Variants in SBF2 observed in about 807,000 individuals in gnomAD.
SBF2 encodes the protein SET binding factor 2, also known as myotubularin-related protein 13.
Under a neutral mutation model 225.2 loss-of-function variants are expected in SBF2, and 112 were observed. The observed-to-expected ratio is 0.50, with a 90% CI of 0.43 to 0.58. The LOEUF is 0.58. SBF2 is among the 20% of genes least tolerant of loss of function. The pLI is 0.00. For missense variants in SBF2, 1,996 were observed against 2,206.2 expected, an observed-to-expected ratio of 0.90 and a Z score of 1.91; for synonymous variants, 763 against 773.3, an observed-to-expected ratio of 0.99 and a Z score of 0.22.
intron 30 of SBF2, among the ~76,000 whole-genome samples, chr11:9,810,037 G>A (rs1854090158): frequency 6.6e-6 from 1 of 152,180 alleles, no homozygotes; most frequent in Admixed American, 6.5e-5. Flanking sequence ...AGCACTTTGG[G>A]AGGTTGAAGC....
chr11:10,108,731 A>G (rs1952692442), intron 2 of SBF2, among the ~76,000 whole-genome samples: 1 of 151,366 alleles, frequency 6.6e-6, no homozygotes, highest in African/African-American at 2.4e-5. Context: ...TCACTGTGTT[A>G]GCCAGGATGG....
At chr11:9,876,944 G>A (rs1859305591) in intron 17 of SBF2, among the ~76,000 whole-genome samples, 1 of 152,046 alleles carries the variant, frequency 6.6e-6, no homozygotes, top group Non-Finnish European at 1.5e-5. Context: ...TCACCATGTT[G>A]GCCAGGCTGC....
chr11:9,778,766 C>T lies in SBF2; in HGVS notation c.*1652G>A, dbSNP rs146067452. 5.2e-5 allele frequency: 8 copies of T among 152,694 alleles called. No homozygotes were observed. The East Asian group carries it at 1.5e-3, about 29-fold the overall frequency. The allele number at this position is 152,694 out of a possible 1,614,324, so 9.5% of individuals were successfully genotyped here. A position where few individuals can be genotyped will look rare whatever the true frequency, so the allele number is the denominator to read the frequency against. On this transcript the variant is annotated 3_prime_UTR_variant, in exon 40 of 40. Transcript: ENST00000256190. Reference sequence around the variant, plus strand: ...GTGCACTACAGAATGAACTTTAGTTCACAGTAAATGAGGGATGCTTTTTCT... The same window carrying T: ...GTGCACTACAGAATGAACTTTAGTTTACAGTAAATGAGGGATGCTTTTTCT...
chr11:10,147,062 A>AC (rs1954921858), intron 2 of SBF2, among the ~76,000 whole-genome samples: 1 of 151,746 alleles, frequency 6.6e-6, no homozygotes. Flanking sequence ...AAAAAAAAAA[A>AC]AAAAAATAGA....
intron 16 of SBF2, among the ~76,000 whole-genome samples, chr11:9,919,307 C>T (rs746806736): frequency 1.4e-5 from 2 of 144,528 alleles, no homozygotes; most frequent in Non-Finnish European, 3.0e-5. Flanking sequence ...CTCTTGTTGC[C>T]CAGGCTGGAG....
At chr11:10,108,189 G>T (rs1462088837) in intron 2 of SBF2, among the ~76,000 whole-genome samples, 1 of 152,188 alleles carries the variant, frequency 6.6e-6, no homozygotes, top group Non-Finnish European at 1.5e-5. Context: ...GTTTTAAAAA[G>T]ATGTGGAATT....
intron 2 of SBF2, among the ~76,000 whole-genome samples, chr11:10,121,793 C>T (rs1953463289): frequency 6.6e-6 from 1 of 152,136 alleles, no homozygotes; most frequent in Admixed American, 6.6e-5. Flanking sequence ...ATAAATAATT[C>T]ATAAGTTTTA....
At chr11:10,055,709 AG>A (rs1950233050) in intron 2 of SBF2, among the ~76,000 whole-genome samples, 2 of 152,312 alleles carry the variant, frequency 1.3e-5, no homozygotes, top group Admixed American at 6.5e-5. Flanking sequence ...CTTTTAAGTA[AG>A]AGCTAAGCTA....
intron 18 of SBF2, among the ~76,000 whole-genome samples, chr11:9,856,936 T>C (rs574063295): frequency 2.0e-5 from 3 of 152,086 alleles, no homozygotes; most frequent in Admixed American, 6.5e-5. Flanking sequence ...TACAGTCACC[T>C]GCCACCACGC....
intron 1 of SBF2, among the ~76,000 whole-genome samples, chr11:10,261,675 G>A (rs1397821117): frequency 1.3e-5 from 2 of 152,244 alleles, no homozygotes; most frequent in East Asian, 3.9e-4. Context: ...ACACTTATAA[G>A]AATATTCATA....
chr11:10,171,177 T>A (rs1956170486), intron 2 of SBF2, among the ~76,000 whole-genome samples: 1 of 152,210 alleles, frequency 6.6e-6, no homozygotes. Flanking sequence ...AGTACTATGT[T>A]GAATAACAGT....
intron 1 of SBF2, among the ~76,000 whole-genome samples, chr11:10,251,188 C>A (rs1019028823): frequency 6.6e-6 from 1 of 152,180 alleles, no homozygotes; most frequent in East Asian, 1.9e-4. Context: ...CTTAATGGTA[C>A]ATATGTTGCC....
chr11:9,845,477 C>T (rs1856474501), intron 24 of SBF2, 88 bp downstream of exon 24: 10 of 1,215,376 alleles, frequency 8.2e-6, no homozygotes, highest in Admixed American at 7.1e-5. Context: ...AAACAGCAAT[C>T]GCTTACACCT....
intron 1 of SBF2, among the ~76,000 whole-genome samples, chr11:10,232,692 C>A (rs1275339565): frequency 6.6e-6 from 1 of 151,676 alleles, no homozygotes; most frequent in Non-Finnish European, 1.5e-5. Flanking sequence ...GCCTCCTGAG[C>A]AGCTGGGACT....
intron 2 of SBF2, among the ~76,000 whole-genome samples, chr11:10,113,448 T>C (rs1952977026): frequency 6.6e-6 from 1 of 152,188 alleles, no homozygotes; most frequent in Non-Finnish European, 1.5e-5. Flanking sequence ...GCAATTATGA[T>C]AGTTCAAATA....
intron 1 of SBF2, among the ~76,000 whole-genome samples, chr11:10,274,853 G>C (rs895482949): frequency 1.3e-5 from 2 of 151,952 alleles, no homozygotes; most frequent in African/African-American, 4.8e-5. Context: ...ACATTCAAGA[G>C]TCTGCAAGTT....
At chr11:10,267,559 A>G (rs1193149597) in intron 1 of SBF2, among the ~76,000 whole-genome samples, 1 of 152,104 alleles carries the variant, frequency 6.6e-6, no homozygotes, top group African/African-American at 2.4e-5. Context: ...GGTTTGAATG[A>G]GCCAGATATG....
chr11:10,292,113 C>T lies in SBF2; in HGVS notation c.55+1902G>A, dbSNP rs898357054. On this transcript the variant is annotated intron_variant, in intron 1 of 39. Coordinates refer to ENST00000256190, the MANE Select transcript of SBF2 (RefSeq NM_030962.4). ...CATAACATGAATGCAACACATATTG[C>T]TAAACTGGATCCTTTTGCCAGTAAA... Among the ~76,000 whole-genome samples, 3 of 152,320 alleles carry T rather than the reference C, an allele frequency of 2.0e-5. No individual in the cohort carries two copies. The East Asian group carries it at 5.8e-4, about 29-fold the overall frequency.
At chr11:9,827,588 C>G (rs1049125555) in intron 28 of SBF2, among the ~76,000 whole-genome samples, 3 of 151,682 alleles carry the variant, frequency 2.0e-5, no homozygotes, top group Non-Finnish European at 4.4e-5. Flanking sequence ...TGAAAAGAAT[C>G]TCACATAAAC....
Sources: gnomAD v4.1 joint callset for allele counts (sites outside exome capture counted in the v4.1 genomes callset) on GRCh38, gnomAD v4.1.1 for gene constraint, MANE v1.5 for transcripts, NCBI Gene and HGNC (gene_info 2026-07-23, HGNC 2026-07-21) for gene names.